Variants in EPS15 observed in about 807,000 individuals in gnomAD.
EPS15 encodes the protein epidermal growth factor receptor substrate 15.
EPS15 carries 72 observed loss-of-function variants against 113.8 expected under a neutral mutation model. The observed-to-expected ratio is 0.63, with a 90% confidence interval of 0.52 to 0.77. EPS15 has a LOEUF of 0.77. EPS15 is among the 30% of genes least tolerant of loss of function. The probability of loss-of-function intolerance (pLI) is 0.00; values close to 1 mark genes in which losing one functional copy is unlikely to be tolerated. For missense variants in EPS15, 1,048 were observed against 1,045.8 expected (o/e 1.00, Z -0.03); for synonymous variants, 344 against 363.4 (o/e 0.95, Z 0.61).
intron 24 of EPS15, among the ~76,000 whole-genome samples, chr1:51,357,403 TATATATATATATATATATATA>T: frequency 2.0e-5 from 1 of 51,138 alleles, no homozygotes; most frequent in Non-Finnish European, 3.4e-5. Context: ...TATATATATA[TATATATATATATATATATATA>T]TATTTTTTTT....
intron 8 of EPS15, among the ~76,000 whole-genome samples, chr1:51,451,841 C>T (rs1240155350): frequency 6.6e-6 from 1 of 152,122 alleles, no homozygotes; most frequent in African/African-American, 2.4e-5. Context: ...TAACTTGGAA[C>T]CTCTAGAAAG....
chr1:51,391,325 G>C (rs1215108087), intron 21 of EPS15, among the ~76,000 whole-genome samples: 1 of 152,148 alleles, frequency 6.6e-6, no homozygotes, highest in East Asian at 1.9e-4. Flanking sequence ...GGGTTGGGGG[G>C]AAGGGGGAGG....
At chr1:51,491,509 T>C (rs567397036) in intron 1 of EPS15, among the ~76,000 whole-genome samples, 2 of 152,304 alleles carry the variant, frequency 1.3e-5, no homozygotes, top group East Asian at 3.9e-4. Context: ...GGCTTGTATA[T>C]TTTACAATGT....
At chr1:51,493,002 C>T (rs535327219) in intron 1 of EPS15, among the ~76,000 whole-genome samples, 2 of 151,986 alleles carry the variant, frequency 1.3e-5, no homozygotes, top group Non-Finnish European at 2.9e-5. Flanking sequence ...CCAAGGCGGG[C>T]GGATCACAAG....
chr1:51,415,745 G>C (rs954123999), intron 13 of EPS15, among the ~76,000 whole-genome samples: 2 of 125,242 alleles, frequency 1.6e-5, no homozygotes, highest in African/African-American at 6.0e-5. Flanking sequence ...GCAGTGAGTC[G>C]AGATCGTGCC....
chr1:51,507,297 G>A (rs909710255), intron 1 of EPS15, among the ~76,000 whole-genome samples: 1 of 152,076 alleles, frequency 6.6e-6, no homozygotes, highest in Non-Finnish European at 1.5e-5. Context: ...AAACTATAAA[G>A]CACACAATCA....
intron 1 of EPS15, among the ~76,000 whole-genome samples, chr1:51,494,358 T>A (rs894580660): frequency 2.0e-5 from 3 of 152,220 alleles, no homozygotes; most frequent in African/African-American, 7.2e-5. Context: ...CTTTGATCCC[T>A]CAGGCCCTCT....
chr1:51,447,077 T>G lies in EPS15; in HGVS notation c.680A>C (p.Lys227Thr), dbSNP rs771100176. 1 of 1,613,468 alleles carries G rather than the reference T, an allele frequency of 6.2e-7. No homozygotes were observed. Among genetic ancestry groups the G allele is most frequent in the Non-Finnish European group, 8.5e-7 (1 of 1,179,812 alleles). Residue 227 changes from lysine (K) to threonine (T), a missense_variant, in exon 10 of 25, where the codon AAA becomes ACA. Transcript: ENST00000371733. Reference protein sequence around the residue: ...TWVVSPAEKAKYDEIFLKTDK... With the variant: ...TWVVSPAEKATYDEIFLKTDK... ...AGTTTTCAGGAAGATTTCATCATAT[T>G]TAGCTTTTTCTGCAGGGGATACAAC...
chr1:51,489,392 G>A (rs909243478), intron 1 of EPS15, among the ~76,000 whole-genome samples: 10 of 150,418 alleles, frequency 6.6e-5, no homozygotes, highest in African/African-American at 2.2e-4. Context: ...CGTGATCTCG[G>A]CTCACTGCAA....
chr1:51,441,746 T>C (rs928826729), intron 11 of EPS15, among the ~76,000 whole-genome samples: 1 of 152,106 alleles, frequency 6.6e-6, no homozygotes, highest in Non-Finnish European at 1.5e-5. Context: ...TAACCCCATC[T>C]TAGAACTGAA....
intron 1 of EPS15, among the ~76,000 whole-genome samples, chr1:51,489,140 T>TA (rs537853692): frequency 0.044 from 6,012 of 136,720 alleles, 160 homozygotes; most frequent in Non-Finnish European, 0.055. Context: ...CTAACTAATG[T>TA]AAAAAAAAAA....
At chr1:51,426,868 TATATACAC>T in intron 12 of EPS15, among the ~76,000 whole-genome samples, 1 of 151,302 alleles carries the variant, frequency 6.6e-6, no homozygotes. Context: ...CACACATATA[TATATACAC>T]ATATATACAC....
chr1:51,510,882 A>G (rs1483111487), intron 1 of EPS15, among the ~76,000 whole-genome samples: 2 of 152,190 alleles, frequency 1.3e-5, no homozygotes, highest in African/African-American at 4.8e-5. Flanking sequence ...GTATGTATCT[A>G]GGCCGGGCAC....
chr1:51,483,383 G>A (rs934031046), intron 1 of EPS15, among the ~76,000 whole-genome samples: 14 of 148,282 alleles, frequency 9.4e-5, no homozygotes, highest in Admixed American at 2.7e-4. Context: ...ATATATATTC[G>A]AACTCAAGAC....
At chr1:51,471,299 CT>C (rs1248853724) in intron 4 of EPS15, among the ~76,000 whole-genome samples, 1 of 152,186 alleles carries the variant, frequency 6.6e-6, no homozygotes, top group African/African-American at 2.4e-5. Flanking sequence ...GGAGTAAGAT[CT>C]AGACCAGAAT....
intron 22 of EPS15, among the ~76,000 whole-genome samples, chr1:51,364,842 A>AT (rs58796247): frequency 0.064 from 9,466 of 147,508 alleles, 937 homozygotes; most frequent in African/African-American, 0.22. Flanking sequence ...TAAAAGGATA[A>AT]TTTTTTTTTT....
intron 5 of EPS15, among the ~76,000 whole-genome samples, chr1:51,466,760 T>C (rs1053213421): frequency 3.3e-5 from 5 of 151,722 alleles, no homozygotes; most frequent in Admixed American, 2.0e-4. Flanking sequence ...CCAGGCTCAG[T>C]AGTACATGCC....
At chr1:51,437,460 T>TA (rs995482610) in intron 12 of EPS15, among the ~76,000 whole-genome samples, 2 of 151,830 alleles carry the variant, frequency 1.3e-5, no homozygotes, top group African/African-American at 4.8e-5. Context: ...GCTGCTTACT[T>TA]AGAGGTTTGA....
chr1:51,362,148 G>T (rs1306336518), intron 23 of EPS15, among the ~76,000 whole-genome samples: 1 of 152,138 alleles, frequency 6.6e-6, no homozygotes, highest in African/African-American at 2.4e-5. Flanking sequence ...TGCATAAGCT[G>T]GTAATAGCAA....
Sources: gnomAD v4.1 joint callset for allele counts (sites outside exome capture counted in the v4.1 genomes callset) on GRCh38, gnomAD v4.1.1 for gene constraint, MANE v1.5 for transcripts, NCBI Gene and HGNC (gene_info 2026-07-23, HGNC 2026-07-21) for gene names.